The following ADAM18 variants were observed in gnomAD, a reference collection of about 807,000 sequenced individuals.
The protein encoded by ADAM18 is ADAM metallopeptidase domain 18, also known as disintegrin and metalloproteinase domain-containing protein 18.
A neutral mutation model predicts 94.4 loss-of-function variants in ADAM18; 117 were observed. That is an observed-to-expected ratio of 1.24 (90% CI 1.07 to 1.45). The LOEUF (loss-of-function observed/expected upper bound fraction) is 1.45. Among genes scored for constraint, ADAM18 ranks in the 40% most tolerant of loss-of-function variants. The probability of loss-of-function intolerance (pLI) is 0.00; values close to 1 mark genes in which losing one functional copy is unlikely to be tolerated. For synonymous variants in ADAM18, 327 were observed against 291.6 expected, an observed-to-expected ratio of 1.12 and a Z score of -1.24; for missense variants, 936 against 880.0, an observed-to-expected ratio of 1.06 and a Z score of -0.81.
At chr8:39,626,327 T>C (rs1324301770) in intron 6 of ADAM18, among the ~76,000 whole-genome samples, 1 of 152,126 alleles carries the variant, frequency 6.6e-6, no homozygotes, top group Non-Finnish European at 1.5e-5. Context: ...TAATGGTCTA[T>C]TAGTTTTGTT....
chr8:39,611,022 A>G (rs1482597273), intron 6 of ADAM18: 5 of 1,087,826 alleles, frequency 4.6e-6, no homozygotes, highest in Non-Finnish European at 5.6e-6. Context: ...ATTACTTTTA[A>G]TATTTTGTTA....
At chr8:39,656,488 GTTGA>G (rs1248620386) in intron 12 of ADAM18, among the ~76,000 whole-genome samples, 2 of 152,036 alleles carry the variant, frequency 1.3e-5, no homozygotes, top group African/African-American at 4.8e-5. Context: ...CAGATATATT[GTTGA>G]TAAATGTGTA....
Position 39,588,079 on chromosome 8 carries a change from A to G in ADAM18, c.132+2727A>G, listed in dbSNP as rs114706076. Among the ~76,000 whole-genome samples, 890 of 152,202 alleles carry G rather than the reference A, an allele frequency of 5.8e-3. 6 individuals carry two copies. Among genetic ancestry groups the G allele is most frequent in the African/African-American group, 0.02 (844 of 41,528 alleles). ...AAGTTGCATTGCTGGATTATATGGT[A>G]GTTCTATTTTTAATTTTTTGTGGAA... On this transcript the variant is annotated intron_variant, in intron 2 of 19. Coordinates refer to ENST00000265707, the MANE Select transcript of ADAM18 (RefSeq NM_014237.3).
chr8:39,713,418 AC>A, intron 18 of ADAM18, among the ~76,000 whole-genome samples: 1 of 152,238 alleles, frequency 6.6e-6, no homozygotes, highest in East Asian at 1.9e-4. Context: ...AGCAATGGCA[AC>A]AAAAGCCAAA....
intron 6 of ADAM18, among the ~76,000 whole-genome samples, chr8:39,616,383 T>A (rs1819438844): frequency 6.6e-6 from 1 of 152,142 alleles, no homozygotes; most frequent in Non-Finnish European, 1.5e-5. Flanking sequence ...GCACTCCAGC[T>A]TGGGTGACAG....
intron 12 of ADAM18, among the ~76,000 whole-genome samples, chr8:39,657,219 T>G (rs1227810627): frequency 6.6e-6 from 1 of 152,152 alleles, no homozygotes; most frequent in East Asian, 1.9e-4. Context: ...AAAATTATAG[T>G]AAGTTAAAAA....
chr8:39,637,055 A>ATATATACATATATATATATATATGTG (rs1820098174), intron 7 of ADAM18, among the ~76,000 whole-genome samples: 1 of 138,546 alleles, frequency 7.2e-6, no homozygotes, highest in Non-Finnish European at 1.5e-5. Context: ...ATATATATAT[A>ATATATACATATATATATATATATGTG]TATATATATA....
At chr8:39,696,421 C>T (rs924633673) in intron 17 of ADAM18, among the ~76,000 whole-genome samples, 1 of 151,304 alleles carries the variant, frequency 6.6e-6, no homozygotes, top group Non-Finnish European at 1.5e-5. Flanking sequence ...GCCTGGTCTT[C>T]TGTTTAATAT....
intron 17 of ADAM18, among the ~76,000 whole-genome samples, chr8:39,704,024 T>C (rs900389446): frequency 6.6e-6 from 1 of 151,982 alleles, no homozygotes; most frequent in East Asian, 1.9e-4. Context: ...AGAAATTGAA[T>C]CATTGAAAAG....
intron 11 of ADAM18, among the ~76,000 whole-genome samples, chr8:39,648,052 A>G (rs1820432581): frequency 6.6e-6 from 1 of 152,228 alleles, no homozygotes; most frequent in Non-Finnish European, 1.5e-5. Context: ...AGAGGGAACA[A>G]TAGATAGATG....
At chr8:39,725,511 C>A (rs1300533935) in intron 19 of ADAM18, among the ~76,000 whole-genome samples, 1 of 152,146 alleles carries the variant, frequency 6.6e-6, no homozygotes, top group East Asian at 1.9e-4. Flanking sequence ...TCCCGCATCT[C>A]TTGGCAACCA....
At chr8:39,648,282 G>A (rs914619391) in intron 11 of ADAM18, 62 bp from the exon 12 acceptor site, 2 of 1,360,606 alleles carry the variant, frequency 1.5e-6, no homozygotes, top group Non-Finnish European at 2.0e-6. Context: ...TGTATGGAGT[G>A]TTGTTTAGAT....
At chr8:39,671,240 G>A (rs892678438) in intron 14 of ADAM18, among the ~76,000 whole-genome samples, 3 of 152,192 alleles carry the variant, frequency 2.0e-5, no homozygotes, top group African/African-American at 7.2e-5. Flanking sequence ...ACTGGTGGAA[G>A]TTGATAATAT....
At chr8:39,686,316 T>A (rs147704015) in intron 16 of ADAM18, among the ~76,000 whole-genome samples, 296 of 152,328 alleles carry the variant, frequency 1.9e-3, no homozygotes, top group African/African-American at 6.9e-3. Flanking sequence ...AGGAACGTAC[T>A]GCTTAACAGT....
chr8:39,649,516 T>A (rs1248279454), intron 12 of ADAM18, among the ~76,000 whole-genome samples: 2 of 152,174 alleles, frequency 1.3e-5, no homozygotes, highest in East Asian at 3.8e-4. Flanking sequence ...ATACTAGCTA[T>A]TTTTTATGAA....
chr8:39,647,754 C>T (rs186357369), intron 11 of ADAM18, among the ~76,000 whole-genome samples: 7 of 152,288 alleles, frequency 4.6e-5, no homozygotes, highest in East Asian at 3.9e-4. Context: ...AAGCATACTG[C>T]TTGTAAACAT....
chr8:39,595,014 A>AT (rs973905986), intron 2 of ADAM18, among the ~76,000 whole-genome samples: 11 of 151,556 alleles, frequency 7.3e-5, no homozygotes, highest in African/African-American at 1.7e-4. Context: ...AGCTCTGTGC[A>AT]TTTTTTGTCA....
At chr8:39,700,897 G>A (rs1244428604) in intron 17 of ADAM18, among the ~76,000 whole-genome samples, 2 of 151,220 alleles carry the variant, frequency 1.3e-5, no homozygotes, top group South Asian at 2.1e-4. Flanking sequence ...GGCGGATCAC[G>A]AGGTCAGGAG....
chr8:39,729,578 A>G (rs966397176), intron 19 of ADAM18, among the ~76,000 whole-genome samples: 2 of 152,264 alleles, frequency 1.3e-5, no homozygotes, highest in Non-Finnish European at 2.9e-5. Flanking sequence ...TTGTTTTTAC[A>G]TAGTCATTTC....
Sources: gnomAD v4.1 joint callset for allele counts (sites outside exome capture counted in the v4.1 genomes callset) on GRCh38, gnomAD v4.1.1 for gene constraint, MANE v1.5 for transcripts, NCBI Gene and HGNC (gene_info 2026-07-23, HGNC 2026-07-21) for gene names.